Variants in ZAN observed in about 807,000 individuals in gnomAD.
ZAN encodes the protein zonadhesin, also known as zonadhesin (gene/pseudogene).
Under a neutral mutation model 286.2 loss-of-function variants are expected in ZAN, and 260 were observed. The observed-to-expected ratio is 0.91, with a 90% CI of 0.82 to 1.01. ZAN has a LOEUF of 1.01. Among genes scored for constraint, ZAN ranks in the 50% least tolerant of loss-of-function variants. The pLI is 0.00. For synonymous variants in ZAN, 1,368 were observed against 1,417.5 expected (o/e 0.97, Z 0.79); for missense variants, 3,410 against 3,639.2 (o/e 0.94, Z 1.62).
chr7:100,761,940 A>G (rs1304591009), intron 19 of ZAN, among the ~76,000 whole-genome samples: 2 of 149,960 alleles, frequency 1.3e-5, no homozygotes, highest in Admixed American at 1.3e-4. Context: ...CTCCATCTGA[A>G]AAAAAGGATA....
chr7:100,751,052 G>T, intron 12 of ZAN, 130 bp from the exon 13 acceptor site: 1 of 1,366,898 alleles, frequency 7.3e-7, no homozygotes, highest in Non-Finnish European at 9.8e-7. Context: ...GGCCGGGATG[G>T]GGCTGGACTG....
chr7:100,781,462 C>G (rs539121208), intron 35 of ZAN, among the ~76,000 whole-genome samples: 5 of 152,192 alleles, frequency 3.3e-5, no homozygotes, highest in Non-Finnish European at 4.4e-5. Flanking sequence ...GTGGAGGCAA[C>G]ATGAGCACAG....
Position 100,768,678 on chromosome 7 carries a change from C to T in ZAN, c.5110C>T (p.Gln1704Ter). The T allele has an allele frequency of 6.2e-7, 1 of 1,608,928 alleles. No homozygotes were observed. Among genetic ancestry groups the T allele is most frequent in the Non-Finnish European group, 8.5e-7 (1 of 1,177,730 alleles). The stretch of plus-strand genomic sequence containing the variant: ...CAGAAAGCTTGCAGGCGATTCCATG[C>T]AGCTGGGGGCCGCCTGGAAGTTACC... ...PDRKLAGDSMQLGAAWKLPES... is the reference protein window; with the variant it reads ...PDRKLAGDSM The change falls in exon 27 of 48, where the codon CAG becomes TAG. Residue 1704 changes from glutamine to a stop codon, truncating the protein, a stop_gained. Transcript: ENST00000613979. LOFTEE classifies it high-confidence loss of function.
In ZAN at chr7:100,786,060, C is replaced by T. The variant is rs767683082; in HGVS notation, c.6898C>T (p.Gln2300Ter). The T allele has an allele frequency of 1.9e-6, 3 of 1,614,030 alleles. No homozygotes were observed. The South Asian group carries it at 3.3e-5, about 18-fold the overall frequency. ...GTGTGTCTGCACGGGAGGAGCCATT[C>T]AGTGCGGGGACTTCCGATGCCCCTC... ...EKCVCTGGAI[Q>*]CGDFRCPSGS... Residue 2300 changes from glutamine (Q) to a stop codon, truncating the protein, a stop_gained, in exon 37 of 48, where the codon CAG becomes TAG. Transcript: ENST00000613979. LOFTEE classifies it high-confidence loss of function.
Position 100,745,181 on chromosome 7 carries a change from C to T in ZAN, c.767-1357C>T, listed in dbSNP as rs139761022. On this transcript the variant is annotated intron_variant, in intron 7 of 47. Transcript: ENST00000613979. ...TTACAGGCGTGAGCCACCGCGCCAG[C>T]CCGTGTCCTTGATTTCTCTTTCATC... Among the ~76,000 whole-genome samples the T allele has an allele frequency of 2.3e-3, 346 of 151,756 alleles. 10 individuals are homozygous for T. The highest frequency in any genetic ancestry group is 7.7e-3 in the African/African-American group (317 of 41,334).
chr7:100,761,752 C>T (rs1809595385), intron 19 of ZAN, among the ~76,000 whole-genome samples: 1 of 151,958 alleles, frequency 6.6e-6, no homozygotes, highest in South Asian at 2.1e-4. Flanking sequence ...GCCTGGCCAA[C>T]ATGGTGAAAC....
At position 100,763,876 on chromosome 7, in the gene ZAN, G is replaced by C. The variant is rs1159452593; in HGVS notation, c.4057G>C (p.Gly1353Arg). The part of the protein sequence containing the change: ...SSLQSSMSGP[G>R]FCGRLVDTHG... ...TCTGCAGAGCAGCATGTCGGGGCCAGGGTTCTGTGGACGGCTGGTCGACAC... is the reference window on the plus strand; with the variant it reads ...TCTGCAGAGCAGCATGTCGGGGCCACGGTTCTGTGGACGGCTGGTCGACAC... Residue 1353 changes from glycine (G) to arginine (R), a missense_variant, in exon 21 of 48, where the codon GGG (glycine) becomes CGG (arginine). Around this residue, in one of 7 missense-constraint regions of ZAN, gnomAD observed 1,042 missense variants for 1,058.0 expected, o/e 0.98. Transcript: ENST00000613979. This position sits in a 1 kb window ranked among gnomAD's most constrained non-coding sequence, Gnocchi z 4.6. 34 of 1,613,950 alleles carry C rather than the reference G, an allele frequency of 2.1e-5. No individual in the cohort carries two copies. Among genetic ancestry groups the C allele is most frequent in the Non-Finnish European group, 2.8e-5 (33 of 1,179,918 alleles).
At chr7:100,773,665 G>C in intron 30 of ZAN, 56 bp from the exon 31 acceptor site, 1 of 1,576,802 alleles carries the variant, frequency 6.3e-7, no homozygotes. Flanking sequence ...CTGGGGCGTT[G>C]GCCCATCTCC....
chr7:100,779,332 T>C (rs1811031094), intron 34 of ZAN, 114 bp from the exon 35 acceptor site: 2 of 1,045,738 alleles, frequency 1.9e-6, no homozygotes, highest in African/African-American at 3.2e-5. Context: ...GAGCTGAGAC[T>C]GTTGCATTGC....
chr7:100,767,736 C>G, intron 25 of ZAN, 95 bp from the exon 26 acceptor site: 3 of 1,420,676 alleles, frequency 2.1e-6, no homozygotes, highest in Non-Finnish European at 2.8e-6. Context: ...CCTCGGCCTC[C>G]CAAAGTGCTG....
Position 100,772,024 on chromosome 7 carries a change from A to T in ZAN, c.5425+4A>T, listed in dbSNP as rs766409542. The T allele has an allele frequency of 6.3e-7, 1 of 1,587,628 alleles. No homozygotes were observed. The highest frequency in any genetic ancestry group is 8.6e-7 in the Non-Finnish European group (1 of 1,168,156). ...TGGCGGAACAGAACCTTCTGCCGTG[A>T]GTGACTGGCCACCTGTTCCCACAGC... On this transcript the variant is annotated splice_donor_region_variant and intron_variant, in intron 29 of 47. Coordinates refer to ENST00000613979, the MANE Select transcript of ZAN (RefSeq NM_003386.3).
intron 7 of ZAN, among the ~76,000 whole-genome samples, chr7:100,745,017 G>C (rs1174306558): frequency 2.6e-5 from 4 of 151,422 alleles, no homozygotes; most frequent in African/African-American, 7.3e-5. Context: ...CCGAGTAGCT[G>C]GGATTACAGA....
chr7:100,764,001 C>G (rs1410593850), intron 21 of ZAN, 26 bp from the exon 22 acceptor site: 1 of 1,613,616 alleles, frequency 6.2e-7, no homozygotes, highest in East Asian at 2.2e-5. Flanking sequence ...CCACTGCATT[C>G]CCCCTGACTT....
chr7:100,767,919 C>G lies in ZAN; in HGVS notation c.4949C>G (p.Thr1650Arg), dbSNP rs183014219. ...AGCAGCAACCTCGTCCTCCTCTACA[C>G]GAACTTTGGGCTCCAAGTTCGCTAC... ...RLSSNLVLLY[T>R]NFGLQVRYDG... Residue 1650 changes from threonine (T) to arginine (R), a missense_variant, in exon 26 of 48, where the codon ACG (threonine) becomes AGG (arginine). Thr to Arg is a moderately conservative substitution (Grantham distance 71, BLOSUM62 -1). Coordinates refer to ENST00000613979, the MANE Select transcript of ZAN (RefSeq NM_003386.3). 6 of 1,613,994 alleles carry G rather than the reference C, an allele frequency of 3.7e-6. No homozygotes were observed. Among genetic ancestry groups the G allele is most frequent in the Non-Finnish European group, 4.2e-6 (5 of 1,179,892 alleles).
At position 100,765,377 on chromosome 7, in the gene ZAN, G is replaced by A. The variant is rs746045486; in HGVS notation, c.4293G>A (p.Lys1431=). ...CAATGGCCTGCCCGCCCAACAGCAA[G>A]TACTCCCTGTGTGCGAAGCCATGCC... is the stretch of plus-strand genomic sequence containing the variant. ...FCPMACPPNS[K]YSLCAKPCPD... Residue 1431 remains lysine (K), a synonymous_variant, in exon 23 of 48, where the codon AAG becomes AAA. Transcript: ENST00000613979. 6.2e-7 allele frequency: 1 copy of A among 1,613,940 alleles called. No homozygotes were observed. Among genetic ancestry groups the A allele is most frequent in the Non-Finnish European group, 8.5e-7 (1 of 1,179,886 alleles).
chr7:100,766,613 G>C lies in ZAN; in HGVS notation c.4559G>C (p.Arg1520Thr). 6.4e-7 allele frequency: 1 copy of C among 1,558,770 alleles called. No homozygotes were observed. Among genetic ancestry groups the C allele is most frequent in the Non-Finnish European group, 8.7e-7 (1 of 1,151,286 alleles). The change falls in exon 24 of 48, where the codon AGG becomes ACG. Residue 1520 changes from arginine (R) to threonine (T), a missense_variant. This residue lies in a region of ZAN where 1,042 missense variants were observed against 1,058.0 expected (regional missense o/e 0.98). Coordinates refer to ENST00000613979, the MANE Select transcript of ZAN (RefSeq NM_003386.3). ...ATTCGCTGCCAGCCCTGGAGGTGTA[G>C]GGCCCAGGAGTTCTGTGGCCAACAG... Reference protein sequence around the residue: ...NRIRCQPWRCRAQEFCGQQDG... With the variant: ...NRIRCQPWRCTAQEFCGQQDG...
intron 7 of ZAN, among the ~76,000 whole-genome samples, chr7:100,738,883 CCCT>C (rs1807515292): frequency 1.0e-4 from 1 of 9,712 alleles, no homozygotes; most frequent in Admixed American, 1.7e-3. Flanking sequence ...TTCTCCCTCT[CCCT>C]CTCCCTCTCC....
chr7:100,775,790 A>C lies in ZAN; in HGVS notation c.6149A>C (p.Asn2050Thr). The C allele has an allele frequency of 1.2e-6, 2 of 1,613,918 alleles. No homozygotes were observed. Among genetic ancestry groups the C allele is most frequent in the Non-Finnish European group, 1.7e-6 (2 of 1,179,890 alleles). The change falls in exon 33 of 48, where the codon AAT (asparagine) becomes ACT (threonine). Residue 2050 changes from asparagine (N) to threonine (T), a missense_variant. By Grantham distance (65) the Asn-to-Thr change is moderately conservative (BLOSUM62 0). This residue lies in a region of ZAN where 1,289 missense variants were observed against 1,314.3 expected (regional missense o/e 0.98). Transcript: ENST00000613979. ...GGGGTGCAAGTCAAGTTTGACGGGA[A>C]TCATCTCTTAGAGATTGAAATCCCC... ...KIGVQVKFDG[N>T]HLLEIEIPTT...
intron 30 of ZAN, 88 bp from the exon 31 acceptor site, chr7:100,773,633 C>T (rs1810543858): frequency 6.5e-7 from 1 of 1,546,696 alleles, no homozygotes; most frequent in Non-Finnish European, 8.8e-7. Flanking sequence ...GGAGGAAGGG[C>T]AGATGCTGCA....
Sources: allele counts gnomAD v4.1 joint callset (sites outside exome capture counted in the v4.1 genomes callset), GRCh38; gene constraint gnomAD v4.1.1; regional missense constraint gnomAD v4.1.1; non-coding constraint Gnocchi (gnomAD v3.1); transcripts MANE v1.5; gene names NCBI Gene and HGNC (gene_info 2026-07-23, HGNC 2026-07-21).